Variants in USP53 observed in about 807,000 individuals in gnomAD.
USP53 encodes the protein ubiquitin specific peptidase 53.
In USP53, 71 loss-of-function variants were observed where a neutral mutation model predicts 94.9. That is an observed-to-expected ratio of 0.75 (90% CI 0.62 to 0.91). The LOEUF (loss-of-function observed/expected upper bound fraction) is 0.91. Ranked by LOEUF, USP53 falls within the 40% of genes least tolerant of loss-of-function variation. The pLI is 0.00. For synonymous variants in USP53, 375 were observed against 422.7 expected (o/e 0.89, Z 1.39); for missense variants, 1,173 against 1,281.0 (o/e 0.92, Z 1.29).
At chr4:119,279,800 G>A (rs190513350) in intron 17 of USP53, among the ~76,000 whole-genome samples, 15 of 152,326 alleles carry the variant, frequency 9.8e-5, no homozygotes, top group Non-Finnish European at 1.8e-4. Context: ...ATATAATCTC[G>A]TGGTTCGCCG....
rs1321653815 is a variant in USP53, at chr4:119,271,471, C to T, written c.1611C>T (p.Ser537=). The T allele has an allele frequency of 6.2e-7, 1 of 1,613,492 alleles. No individual in the cohort carries two copies. The highest frequency in any genetic ancestry group is 8.5e-7 in the Non-Finnish European group (1 of 1,179,948). ...CACAAATAATAAGTTCAAGTAAATC[C>T]CAGATTCTTGCTCCAGGAGAGAAAA... is the stretch of plus-strand genomic sequence containing the variant. ...ASAQIISSSK[S]QILAPGEKIT... is the part of the protein sequence containing the mutation. Residue 537 remains serine (S), a synonymous_variant, in exon 16 of 19, where the codon TCC becomes TCT. Coordinates refer to ENST00000692078, the MANE Select transcript of USP53 (RefSeq NM_001371395.1).
chr4:119,291,153 AC>A lies in USP53; in HGVS notation c.2252-9del. The A allele has an allele frequency of 3.9e-6, 2 of 516,062 alleles. No individual in the cohort carries two copies. The highest frequency in any genetic ancestry group is 6.3e-6 in the Non-Finnish European group (2 of 319,472). 32.0% of individuals were successfully genotyped at this position (516,062 alleles called of 1,614,324 possible). On this transcript the variant is annotated splice_polypyrimidine_tract_variant and intron_variant, in intron 17 of 18. Coordinates refer to ENST00000692078, the MANE Select transcript of USP53 (RefSeq NM_001371395.1). ...TTTCCTCATCTCTTCTCCCCACCCCACCCAACCCTAGGCTTTAGAAAAGAAC... is the reference window on the plus strand; with the variant it reads ...TTTCCTCATCTCTTCTCCCCACCCCACCAACCCTAGGCTTTAGAAAAGAAC...
intron 9 of USP53, among the ~76,000 whole-genome samples, chr4:119,257,820 A>T (rs1468211849): frequency 2.0e-5 from 3 of 152,188 alleles, no homozygotes; most frequent in Non-Finnish European, 4.4e-5. Context: ...TCATTTTTTT[A>T]AATTTCTATG....
intron 16 of USP53, chr4:119,273,379 G>A (rs901491613): frequency 3.2e-6 from 1 of 313,052 alleles, no homozygotes; most frequent in Non-Finnish European, 6.0e-6. Flanking sequence ...AGTAGCCTAG[G>A]GTAGTAGAAA....
chr4:119,235,504 C>T (rs35271032), intron 4 of USP53, 93 bp downstream of exon 4: 43,789 of 151,980 alleles, frequency 0.29, 6,485 homozygotes, highest in East Asian at 0.39. Context: ...GCTTGAACCC[C>T]TGGTTTCAAG....
chr4:119,248,128 G>C (rs1748492723), intron 6 of USP53, among the ~76,000 whole-genome samples: 1 of 151,930 alleles, frequency 6.6e-6, no homozygotes, highest in South Asian at 2.1e-4. Context: ...GTTTTTTCTT[G>C]CTTAAGTTTA....
rs1480314181 is a variant in USP53, at chr4:119,271,794, A to C, written c.1934A>C (p.Glu645Ala). ...QKGLMTIYED[E>A]MKQEIGSRSS... ...GGTTTAATGACCATATATGAAGATG[A>C]AATGAAGCAGGAAATAGGAAGCAGA... Residue 645 changes from glutamate to alanine, a missense_variant, in exon 16 of 19, where the codon GAA becomes GCA. Transcript: ENST00000692078. The C allele has an allele frequency of 1.2e-6, 2 of 1,612,616 alleles. No individual in the cohort carries two copies. Among genetic ancestry groups the C allele is most frequent in the South Asian group, 2.2e-5 (2 of 90,638 alleles).
Position 119,273,767 on chromosome 4 carries a change from G to C in USP53, c.2251+59G>C, listed in dbSNP as rs1188524092. The C allele has an allele frequency of 7.9e-6, 11 of 1,399,880 alleles. No homozygotes were observed. The South Asian group carries it at 1.4e-4, about 18-fold the overall frequency. 86.7% of individuals were successfully genotyped at this position (1,399,880 alleles called of 1,614,324 possible). A position where few individuals can be genotyped will look rare whatever the true frequency, so the allele number is the denominator to read the frequency against. ...AAAAAATGAATTATAGTAATTTATT[G>C]TTTGCTATTATGTATCTGAGAGAAA... is the stretch of plus-strand genomic sequence containing the variant. On this transcript the variant is annotated intron_variant, in intron 17 of 18. Transcript: ENST00000692078.
chr4:119,259,296 G>GGA (rs1561275401), intron 9 of USP53, among the ~76,000 whole-genome samples: 1 of 134,304 alleles, frequency 7.4e-6, no homozygotes, highest in African/African-American at 3.0e-5. Context: ...AAAAAAAAAA[G>GGA]GGGGGGGAGT....
intron 6 of USP53, among the ~76,000 whole-genome samples, chr4:119,247,265 A>G (rs1748376736): frequency 6.6e-6 from 1 of 152,190 alleles, no homozygotes. Context: ...AAAAACACAC[A>G]TAAACACATT....
intron 9 of USP53, 98 bp from the exon 10 acceptor site, chr4:119,259,722 A>G (rs1750250106): frequency 1.3e-6 from 1 of 778,528 alleles, no homozygotes; most frequent in South Asian, 2.5e-5. Flanking sequence ...TTTAGATAGA[A>G]AAAGTGATGC....
chr4:119,262,127 ATCAGTGATCTGTGTG>A (rs1190552574), intron 12 of USP53, among the ~76,000 whole-genome samples: 1 of 152,198 alleles, frequency 6.6e-6, no homozygotes, highest in African/African-American at 2.4e-5. Flanking sequence ...ATATGTAACT[ATCAGTGATCTGTGTG>A]TCAGTGATGA....
In USP53 at chr4:119,253,099, C is replaced by G. The variant is rs1032324160; in HGVS notation, c.373-3147C>G. Among the ~76,000 whole-genome samples, 29 of 151,900 alleles carry G rather than the reference C, an allele frequency of 1.9e-4. 1 individual carries two copies. Among genetic ancestry groups the G allele is most frequent in the Admixed American group, 1.9e-3 (29 of 15,226 alleles). On this transcript the variant is annotated intron_variant, in intron 7 of 18. Transcript: ENST00000692078. Reference sequence around the variant, plus strand: ...TTTGGTTGCACTGTGGTCTGAGAGGCAGTTATTTCTGTTCTTTTACATTTG... The same window carrying G: ...TTTGGTTGCACTGTGGTCTGAGAGGGAGTTATTTCTGTTCTTTTACATTTG...
Position 119,291,184 on chromosome 4 carries a change from G to GA in USP53, c.2273dup (p.Asn758LysfsTer7). 5.8e-6 allele frequency: 9 copies of GA among 1,544,772 alleles called. No homozygotes were observed. The highest frequency in any genetic ancestry group is 7.9e-6 in the Non-Finnish European group (9 of 1,140,484). On this transcript the variant is annotated frameshift_variant, in exon 18 of 19. Coordinates refer to ENST00000692078, the MANE Select transcript of USP53 (RefSeq NM_001371395.1). LOFTEE classifies it high-confidence loss of function. ...CCCTAGGCTTTAGAAAAGAACTCAG[G>GA]AATTTGGAAGCAGGCTATAAATCTC...
At chr4:119,245,275 C>G in intron 5 of USP53, 62 bp from the exon 6 acceptor site, 7 of 1,510,162 alleles carry the variant, frequency 4.6e-6, no homozygotes, top group Non-Finnish European at 6.4e-6. Flanking sequence ...CTAAATCTGT[C>G]TTTTGTTACA....
chr4:119,244,297 G>A (rs1054074549), intron 5 of USP53, among the ~76,000 whole-genome samples: 1 of 152,174 alleles, frequency 6.6e-6, no homozygotes, highest in East Asian at 1.9e-4. Flanking sequence ...AAAAGGCAAC[G>A]TTTAAAGAGA....
intron 3 of USP53, among the ~76,000 whole-genome samples, chr4:119,230,553 G>A (rs1243388766): frequency 3.3e-5 from 5 of 152,140 alleles, no homozygotes; most frequent in African/African-American, 1.2e-4. Flanking sequence ...ACTGGCAGAT[G>A]CCCTTGTAGC....
chr4:119,274,520 A>G (rs1752333322), intron 17 of USP53, among the ~76,000 whole-genome samples: 1 of 151,954 alleles, frequency 6.6e-6, no homozygotes. Flanking sequence ...GGTTGGTTCC[A>G]AGTCTTTGCT....
intron 3 of USP53, among the ~76,000 whole-genome samples, chr4:119,226,473 G>A (rs946941670): frequency 9.9e-5 from 15 of 152,132 alleles, no homozygotes; most frequent in Admixed American, 7.9e-4. Flanking sequence ...TGTTAGTAAT[G>A]AAAAATTGGA....
Sources: gnomAD v4.1 joint callset for allele counts (sites outside exome capture counted in the v4.1 genomes callset) on GRCh38, gnomAD v4.1.1 for gene constraint, MANE v1.5 for transcripts, NCBI Gene and HGNC (gene_info 2026-07-23, HGNC 2026-07-21) for gene names.